SNAP91: variants seen among roughly 807,000 people sequenced by gnomAD.
The protein encoded by SNAP91 is clathrin coat assembly protein AP180.
In SNAP91, 27 loss-of-function variants were observed where a neutral mutation model predicts 100.3. The ratio of observed to expected loss-of-function variants is 0.27; its 90% CI spans 0.20 to 0.37. SNAP91 has a LOEUF of 0.37. Among genes scored for constraint, SNAP91 ranks in the 10% least tolerant of loss-of-function variants. The probability of loss-of-function intolerance (pLI) is 1.00; values close to 1 mark genes in which losing one functional copy is unlikely to be tolerated. For synonymous variants in SNAP91, 404 were observed against 398.6 expected, an observed-to-expected ratio of 1.01 and a Z score of -0.16; for missense variants, 986 against 1,123.7, an observed-to-expected ratio of 0.88 and a Z score of 1.75.
chr6:83,672,516 G>T (rs2098801971), intron 2 of SNAP91, among the ~76,000 whole-genome samples: 1 of 151,940 alleles, frequency 6.6e-6, no homozygotes, highest in African/African-American at 2.4e-5. Context: ...TTATTACACA[G>T]AATTATCATT....
rs139072522 is a variant in SNAP91, at chr6:83,701,649, T to C, written c.130+6149A>G. On this transcript the variant is annotated intron_variant, in intron 2 of 29. Coordinates refer to ENST00000369694, the MANE Select transcript of SNAP91 (RefSeq NM_001242792.2). ...TTTTTAGTAGAGACGGGGTTCATCATGTTGGCCAGGCTGGTCTTGAACTCC... is the reference window on the plus strand; with the variant it reads ...TTTTTAGTAGAGACGGGGTTCATCACGTTGGCCAGGCTGGTCTTGAACTCC... Among the ~76,000 whole-genome samples the C allele has an allele frequency of 1.5e-3, 226 of 152,256 alleles. 1 individual carries two copies. The highest frequency in any genetic ancestry group is 0.014 in the Middle Eastern group (4 of 294).
At chr6:83,698,326 C>CAA (rs34370410) in intron 2 of SNAP91, among the ~76,000 whole-genome samples, 165 of 108,114 alleles carry the variant, frequency 1.5e-3, no homozygotes, top group South Asian at 2.1e-3. Flanking sequence ...TCTCCAAGGC[C>CAA]AAAAAAAAAA....
At chr6:83,602,266 C>A (rs544106721) in intron 14 of SNAP91, among the ~76,000 whole-genome samples, 1 of 152,108 alleles carries the variant, frequency 6.6e-6, no homozygotes, top group South Asian at 2.1e-4. Flanking sequence ...AATAAATTTG[C>A]TAAAATTTGG....
chr6:83,604,151 C>T (rs1265635916), intron 14 of SNAP91, among the ~76,000 whole-genome samples: 2 of 152,088 alleles, frequency 1.3e-5, no homozygotes, highest in African/African-American at 2.4e-5. Context: ...TACAGTTTCA[C>T]TGTTTATTCA....
At chr6:83,567,728 C>T (rs997318879) in intron 26 of SNAP91, among the ~76,000 whole-genome samples, 1 of 152,014 alleles carries the variant, frequency 6.6e-6, no homozygotes, top group Non-Finnish European at 1.5e-5. Flanking sequence ...GACATGCAGC[C>T]AAAAGACACA....
At chr6:83,683,490 C>T (rs2099020103) in intron 2 of SNAP91, among the ~76,000 whole-genome samples, 1 of 151,208 alleles carries the variant, frequency 6.6e-6, no homozygotes, top group Non-Finnish European at 1.5e-5. Flanking sequence ...ATCTCCTCCT[C>T]TCTCTTGCTC....
chr6:83,688,354 A>G (rs2099087984), intron 2 of SNAP91, among the ~76,000 whole-genome samples: 1 of 152,198 alleles, frequency 6.6e-6, no homozygotes, highest in African/African-American at 2.4e-5. Flanking sequence ...TCACTGCTTA[A>G]TAAAATAAAA....
intron 8 of SNAP91, among the ~76,000 whole-genome samples, chr6:83,630,852 G>C (rs1384164314): frequency 6.6e-6 from 1 of 151,248 alleles, no homozygotes; most frequent in Non-Finnish European, 1.5e-5. Flanking sequence ...TTTTGCTCTG[G>C]ATCTTGGTTA....
At chr6:83,586,937 T>A (rs564409219) in intron 22 of SNAP91, among the ~76,000 whole-genome samples, 6 of 152,230 alleles carry the variant, frequency 3.9e-5, no homozygotes, top group African/African-American at 1.2e-4. Flanking sequence ...CACCTTAAAA[T>A]TTTTACTCAA....
chr6:83,662,306 C>A (rs780280912), intron 4 of SNAP91, 41 bp downstream of exon 4: 2 of 935,716 alleles, frequency 2.1e-6, no homozygotes, highest in South Asian at 2.5e-5. Context: ...CTTCAAAAAT[C>A]AAAGCATTGG....
In SNAP91 at chr6:83,555,292, T is replaced by C. The variant is rs191675258; in HGVS notation, c.*10+851A>G. ...TTAGGGAAGGGTTTTAAGAAATATATGTAGCACAGCAGGTGCATACTGAAA... is the reference window on the plus strand; with the variant it reads ...TTAGGGAAGGGTTTTAAGAAATATACGTAGCACAGCAGGTGCATACTGAAA... On this transcript the variant is annotated intron_variant, in intron 29 of 29. Transcript: ENST00000369694. Among the ~76,000 whole-genome samples, 36 of 151,844 alleles carry C rather than the reference T, an allele frequency of 2.4e-4. No individual in the cohort carries two copies. In the East Asian group the frequency reaches 6.6e-3, roughly 28 times the overall value.
chr6:83,632,735 T>C (rs1389057453), intron 8 of SNAP91, among the ~76,000 whole-genome samples: 2 of 152,224 alleles, frequency 1.3e-5, no homozygotes, highest in South Asian at 2.1e-4. Context: ...TCCTGAAGTT[T>C]TGATTGTTTT....
chr6:83,556,236 T>C lies in SNAP91; in HGVS notation c.2641A>G (p.Ser881Gly). 1 of 1,551,152 alleles carries C rather than the reference T, an allele frequency of 6.4e-7. No individual in the cohort carries two copies. The highest frequency in any genetic ancestry group is 8.7e-7 in the Non-Finnish European group (1 of 1,148,202). ...GGACTCTGACTGGCAGGTGTAGGGC[T>C]TGGAGAAAGCTAATGGGAAAAAGCC... ...AAVPGTQLSP[S>G]PTPASQSPKK... Residue 881 changes from serine to glycine, a missense_variant, in exon 29 of 30, where the codon AGC becomes GGC. This residue lies in a region of SNAP91 where 71 missense variants were observed against 68.5 expected (regional missense o/e 1.04). Transcript: ENST00000369694.
At chr6:83,687,066 T>A (rs2099070258) in intron 2 of SNAP91, among the ~76,000 whole-genome samples, 1 of 152,216 alleles carries the variant, frequency 6.6e-6, no homozygotes, top group Admixed American at 6.5e-5. Flanking sequence ...ATGACTTATT[T>A]GATTACAGTT....
At chr6:83,664,518 G>A (rs2098637428) in intron 3 of SNAP91, among the ~76,000 whole-genome samples, 1 of 152,068 alleles carries the variant, frequency 6.6e-6, no homozygotes, top group Admixed American at 6.6e-5. Context: ...AGATGTGTGG[G>A]AAAATAGCAA....
chr6:83,695,947 T>C (rs1400652342), intron 2 of SNAP91, among the ~76,000 whole-genome samples: 1 of 103,114 alleles, frequency 9.7e-6, no homozygotes, highest in African/African-American at 3.7e-5. Context: ...GGGAGGGGGG[T>C]GGGAAAGAAC....
At chr6:83,691,370 T>C (rs2099128034) in intron 2 of SNAP91, among the ~76,000 whole-genome samples, 1 of 152,172 alleles carries the variant, frequency 6.6e-6, no homozygotes, top group African/African-American at 2.4e-5. Context: ...AACTAAATTC[T>C]GTTATATGGT....
chr6:83,594,517 G>A, intron 16 of SNAP91, 36 bp from the exon 17 acceptor site: 1 of 1,214,750 alleles, frequency 8.2e-7, no homozygotes, highest in Non-Finnish European at 1.1e-6. Flanking sequence ...GAAATTAAAA[G>A]AATAAAAAGA....
chr6:83,608,118 G>C (rs1158098240), intron 12 of SNAP91, among the ~76,000 whole-genome samples: 1 of 151,904 alleles, frequency 6.6e-6, no homozygotes, highest in African/African-American at 2.4e-5. Context: ...AAAATTATTA[G>C]GAAAGATCTT....
Sources: allele counts gnomAD v4.1 joint callset (sites outside exome capture counted in the v4.1 genomes callset), GRCh38; gene constraint gnomAD v4.1.1; regional missense constraint gnomAD v4.1.1; transcripts MANE v1.5; gene names NCBI Gene and HGNC (gene_info 2026-07-23, HGNC 2026-07-21).